Variants in ADAM2 observed in about 807,000 individuals in gnomAD.
ADAM2 encodes ADAM metallopeptidase domain 2, also known as disintegrin and metalloproteinase domain-containing protein 2.
In ADAM2, 101 loss-of-function variants were observed where a neutral mutation model predicts 99.3. The ratio of observed to expected loss-of-function variants is 1.02; its 90% CI spans 0.87 to 1.20. The LOEUF (loss-of-function observed/expected upper bound fraction) is 1.20, where lower values mean the gene tolerates loss of function less well. Ranked by LOEUF, ADAM2 falls within the 50% of genes most tolerant of loss-of-function variation. The pLI, the probability that ADAM2 is intolerant of heterozygous loss-of-function variation, is 0.00. For missense variants in ADAM2, 948 were observed against 878.7 expected (o/e 1.08, Z -1.00); for synonymous variants, 323 against 287.6 (o/e 1.12, Z -1.25).
At chr8:39,753,822 C>CAT (rs1802049413) in intron 16 of ADAM2, among the ~76,000 whole-genome samples, 2 of 151,758 alleles carry the variant, frequency 1.3e-5, no homozygotes, top group South Asian at 4.2e-4. Context: ...AACACACACA[C>CAT]ACACACACTC....
intron 2 of ADAM2, among the ~76,000 whole-genome samples, chr8:39,834,732 C>CAA (rs79431764): frequency 0.11 from 5,638 of 52,730 alleles, 573 homozygotes; most frequent in African/African-American, 0.17. Flanking sequence ...AAGACTCCAT[C>CAA]AAAAAAAAAA....
At chr8:39,747,277 A>T (rs776015371) in intron 18 of ADAM2, among the ~76,000 whole-genome samples, 1 of 152,182 alleles carries the variant, frequency 6.6e-6, no homozygotes, top group Admixed American at 6.5e-5. Context: ...GTCTGAGCTA[A>T]TATAATTCCT....
chr8:39,798,763 C>G (rs1265090972), intron 7 of ADAM2, among the ~76,000 whole-genome samples: 1 of 152,084 alleles, frequency 6.6e-6, no homozygotes, highest in Non-Finnish European at 1.5e-5. Flanking sequence ...CTGGTTTAGT[C>G]TTGGTAGGGT....
intron 4 of ADAM2, among the ~76,000 whole-genome samples, chr8:39,822,310 C>A (rs558535981): frequency 6.6e-6 from 1 of 152,196 alleles, no homozygotes; most frequent in South Asian, 2.1e-4. Context: ...AGATTGATAA[C>A]ATTTCTAATT....
intron 16 of ADAM2, among the ~76,000 whole-genome samples, chr8:39,750,377 A>G (rs1222190068): frequency 6.6e-6 from 1 of 152,156 alleles, no homozygotes; most frequent in African/African-American, 2.4e-5. Context: ...AGAGAGAAAC[A>G]GACAAAAAAC....
chr8:39,833,824 T>G, intron 3 of ADAM2, 120 bp downstream of exon 3: 1 of 680,796 alleles, frequency 1.5e-6, no homozygotes, highest in South Asian at 1.7e-5. Flanking sequence ...TGATAAGGGA[T>G]GAATGAATGG....
At chr8:39,823,062 C>T (rs187939791) in intron 4 of ADAM2, among the ~76,000 whole-genome samples, 15 of 152,180 alleles carry the variant, frequency 9.9e-5, no homozygotes, top group Middle Eastern at 6.8e-3. Flanking sequence ...CCACCACACC[C>T]GGCCTGAGGT....
At chr8:39,795,662 C>T (rs1247735127) in intron 7 of ADAM2, among the ~76,000 whole-genome samples, 1 of 152,092 alleles carries the variant, frequency 6.6e-6, no homozygotes, top group East Asian at 1.9e-4. Flanking sequence ...GCAAGCTGTA[C>T]CCCAACCACC....
At chr8:39,774,876 T>C (rs1362362256) in intron 11 of ADAM2, among the ~76,000 whole-genome samples, 2 of 152,150 alleles carry the variant, frequency 1.3e-5, no homozygotes, top group Non-Finnish European at 1.5e-5. Context: ...ATACAAACTA[T>C]ATAAATGTCA....
At chr8:39,758,864 G>A (rs1297344268) in intron 15 of ADAM2, among the ~76,000 whole-genome samples, 1 of 151,854 alleles carries the variant, frequency 6.6e-6, no homozygotes, top group South Asian at 2.1e-4. Context: ...TGATAGTAAT[G>A]TATTTTATCC....
At position 39,746,589 on chromosome 8, in the gene ADAM2, C is replaced by A. The variant is rs756427832; in HGVS notation, c.2057G>T (p.Arg686Ile). 4 of 1,607,316 alleles carry A rather than the reference C, an allele frequency of 2.5e-6. No individual in the cohort carries two copies. In the African/African-American group the frequency reaches 5.4e-5, roughly 22 times the overall value. Residue 686 changes from arginine to isoleucine, a missense_variant, in exon 19 of 21, where the codon AGA becomes ATA. Transcript: ENST00000265708. ...IENIYHSKPM[R>I]WPFFLFIPFF... ...AGGAATGAATAAGAAAAATGGCCAT[C>A]TCATTGGTTTGGAATGGTAAATGTT...
At chr8:39,762,337 G>A (rs1802401544) in intron 14 of ADAM2, among the ~76,000 whole-genome samples, 1 of 152,194 alleles carries the variant, frequency 6.6e-6, no homozygotes, top group South Asian at 2.1e-4. Flanking sequence ...GGCTGGTTAT[G>A]GGTAAGAAGT....
At chr8:39,758,575 TA>T (rs969447143) in intron 15 of ADAM2, among the ~76,000 whole-genome samples, 45 of 149,302 alleles carry the variant, frequency 3.0e-4, no homozygotes, top group Non-Finnish European at 1.6e-4. Context: ...AAAAAAAATT[TA>T]AAAAAAAAAG....
At chr8:39,795,683 G>A (rs1055982508) in intron 7 of ADAM2, among the ~76,000 whole-genome samples, 3 of 152,144 alleles carry the variant, frequency 2.0e-5, no homozygotes, top group African/African-American at 7.2e-5. Context: ...ATGGGCACAA[G>A]TCATCAGGAC....
At chr8:39,829,251 T>C (rs1805526545) in intron 3 of ADAM2, among the ~76,000 whole-genome samples, 1 of 151,898 alleles carries the variant, frequency 6.6e-6, no homozygotes, top group Non-Finnish European at 1.5e-5. Flanking sequence ...TAACTTACCA[T>C]AATGGAAGAA....
intron 1 of ADAM2, 111 bp from the exon 2 acceptor site, chr8:39,837,323 T>C: frequency 3.3e-6 from 2 of 615,180 alleles, no homozygotes; most frequent in South Asian, 5.4e-5. Context: ...GCTTCTCATT[T>C]TTATTATCTT....
In ADAM2 at chr8:39,767,238, A is replaced by G; in HGVS notation, c.1226T>C (p.Ile409Thr). 1 of 1,606,944 alleles carries G rather than the reference A, an allele frequency of 6.2e-7. No homozygotes were observed. The highest frequency in any genetic ancestry group is 8.5e-7 in the Non-Finnish European group (1 of 1,178,070). The change falls in exon 13 of 21, where the codon ATT becomes ACT. Residue 409 changes from isoleucine to threonine, a missense_variant. By Grantham distance (89) the Ile-to-Thr change is moderately conservative (BLOSUM62 -1). Coordinates refer to ENST00000265708, the MANE Select transcript of ADAM2 (RefSeq NM_001464.5). Reference protein sequence around the residue: ...DCGTEQDCALIGETCCDIATC... With the variant: ...DCGTEQDCALTGETCCDIATC... Reference sequence around the variant, plus strand: ...GGCAATATCACAGCATGTTTCTCCAATAAGGGCACAATCCTGTAAGGCAAA... The same window carrying G: ...GGCAATATCACAGCATGTTTCTCCAGTAAGGGCACAATCCTGTAAGGCAAA...
chr8:39,789,477 T>C (rs974751922), intron 7 of ADAM2, among the ~76,000 whole-genome samples: 1 of 151,782 alleles, frequency 6.6e-6, no homozygotes, highest in East Asian at 1.9e-4. Context: ...ATGAAAATTA[T>C]TCAGAATGTC....
At position 39,746,570 on chromosome 8, in the gene ADAM2, GAAT is replaced by G; in HGVS notation, c.2073_2075del (p.Leu691del). On this transcript the variant is annotated inframe_deletion, in exon 19 of 21. Transcript: ENST00000265708. The stretch of plus-strand genomic sequence containing the variant: ...CACAGAAAATAATAAAGAAAGGAAT[GAAT>G]AAGAAAAATGGCCATCTCATTGGTT... 1 of 1,606,648 alleles carries G rather than the reference GAAT, an allele frequency of 6.2e-7. No homozygotes were observed. Among genetic ancestry groups the G allele is most frequent in the Admixed American group, 1.7e-5 (1 of 59,126 alleles).
Sources: gnomAD v4.1 joint callset for allele counts (sites outside exome capture counted in the v4.1 genomes callset) on GRCh38, gnomAD v4.1.1 for gene constraint, MANE v1.5 for transcripts, NCBI Gene and HGNC (gene_info 2026-07-23, HGNC 2026-07-21) for gene names.